PADI2: variants seen among roughly 807,000 people sequenced by gnomAD.
PADI2 encodes protein-arginine deiminase type-2.
In PADI2, 70 loss-of-function variants were observed where a neutral mutation model predicts 81.1. The ratio of observed to expected loss-of-function variants is 0.86; its 90% CI spans 0.71 to 1.05. PADI2 has a LOEUF of 1.05. Among genes scored for constraint, PADI2 ranks in the 50% least tolerant of loss-of-function variants. The pLI is 0.00. For missense variants in PADI2, 853 were observed against 889.9 expected (o/e 0.96, Z 0.53); for synonymous variants, 338 against 358.0 (o/e 0.94, Z 0.63).
chr1:17,087,512 ATTTT>A (rs1383492182), intron 6 of PADI2, among the ~76,000 whole-genome samples: 1 of 149,676 alleles, frequency 6.7e-6, no homozygotes, highest in African/African-American at 2.5e-5. Context: ...TTATTTATTT[ATTTT>A]TTGAGACAGA....
chr1:17,087,516 T>TTTATTTA (rs1930517175), intron 6 of PADI2, among the ~76,000 whole-genome samples: 2 of 38,124 alleles, frequency 5.2e-5, no homozygotes, highest in South Asian at 1.3e-3. Flanking sequence ...TTATTTATTT[T>TTTATTTA]TTGAGACAGA....
intron 1 of PADI2, among the ~76,000 whole-genome samples, chr1:17,106,315 T>C (rs1315109873): frequency 6.6e-6 from 1 of 152,230 alleles, no homozygotes; most frequent in Non-Finnish European, 1.5e-5. Context: ...GGCTGCTGTG[T>C]ACTGAATGTT....
intron 11 of PADI2, among the ~76,000 whole-genome samples, chr1:17,076,858 T>A (rs1313786259): frequency 6.6e-6 from 1 of 151,970 alleles, no homozygotes; most frequent in African/African-American, 2.4e-5. Context: ...ATTACAGGTG[T>A]GAGCCACCGC....
At chr1:17,118,567 G>A (rs1931834320) in intron 1 of PADI2, among the ~76,000 whole-genome samples, 1 of 152,128 alleles carries the variant, frequency 6.6e-6, no homozygotes, top group Non-Finnish European at 1.5e-5. Flanking sequence ...GAGAGAAGGG[G>A]AGGGAGCAGA....
intron 2 of PADI2, among the ~76,000 whole-genome samples, chr1:17,103,377 G>A (rs1452282248): frequency 1.3e-5 from 2 of 152,198 alleles, no homozygotes; most frequent in African/African-American, 4.8e-5. Context: ...GCCCACTGAG[G>A]GGACAGGGCT....
At chr1:17,079,609 G>C (rs2078329189) in intron 10 of PADI2, among the ~76,000 whole-genome samples, 194 bp from the exon 11 acceptor site, 1 of 152,052 alleles carries the variant, frequency 6.6e-6, no homozygotes, top group African/African-American at 2.4e-5. Flanking sequence ...GAGCATCTCG[G>C]TGTAGTGTGA....
Position 17,079,434 on chromosome 1 carries a change from C to A in PADI2, c.1159-19G>T. ...CTGGGCCCTAGGCAGAGGGCACACA[C>A]CTGCGTTAGTCTTCTGCAGCCAGGG... is the stretch of plus-strand genomic sequence containing the variant. On this transcript the variant is annotated intron_variant, in intron 10 of 15. Coordinates refer to ENST00000375486, the MANE Select transcript of PADI2 (RefSeq NM_007365.3). The A allele has an allele frequency of 6.2e-7, 1 of 1,607,062 alleles. No homozygotes were observed. The highest frequency in any genetic ancestry group is 8.5e-7 in the Non-Finnish European group (1 of 1,175,002).
In PADI2 at chr1:17,119,259, C is replaced by T. The variant is rs376843338; in HGVS notation, c.92+21G>A. 14 of 1,478,568 alleles carry T rather than the reference C, an allele frequency of 9.5e-6. No homozygotes were observed. Among genetic ancestry groups the T allele is most frequent in the African/African-American group, 1.4e-5 (1 of 69,038 alleles). The allele number at this position is 1,478,568 out of a possible 1,614,324, so 91.6% of individuals were successfully genotyped here. A position where few individuals can be genotyped will look rare whatever the true frequency, so the allele number is the denominator to read the frequency against. ...TCTGGGCTCGAGATCTCGGCCCGGG[C>T]ATCACGGTGGGCCGGCTCACCTGTA... On this transcript the variant is annotated intron_variant, in intron 1 of 15. Transcript: ENST00000375486. This position sits in a 1 kb window ranked among gnomAD's most constrained non-coding sequence, Gnocchi z 4.8.
chr1:17,096,168 G>A (rs1011641999), intron 3 of PADI2, among the ~76,000 whole-genome samples, 198 bp from the exon 4 acceptor site: 18 of 152,228 alleles, frequency 1.2e-4, no homozygotes, highest in Non-Finnish European at 2.2e-4. Flanking sequence ...CAGACACCGT[G>A]TGGACCTCGT....
At chr1:17,077,510 G>T (rs553870339) in intron 11 of PADI2, among the ~76,000 whole-genome samples, 1 of 152,252 alleles carries the variant, frequency 6.6e-6, no homozygotes, top group South Asian at 2.1e-4. Context: ...TTCTATCGTT[G>T]CAAGTCCCTC....
intron 1 of PADI2, among the ~76,000 whole-genome samples, chr1:17,116,474 G>T (rs879356091): frequency 2.0e-5 from 3 of 152,202 alleles, no homozygotes; most frequent in Non-Finnish European, 4.4e-5. Flanking sequence ...TCTTGAGCCA[G>T]GACCTGTGTC....
At chr1:17,104,431 C>CTTTTTTTTTTTTTTTTTTTTTTTTTTT (rs1217484961) in intron 2 of PADI2, among the ~76,000 whole-genome samples, 1 of 79,790 alleles carries the variant, frequency 1.3e-5, no homozygotes, top group South Asian at 5.4e-4. Context: ...TTTGCCTTTT[C>CTTTTTTTTTTTTTTTTTTTTTTTTTTT]TTTTTTTTTT....
intron 1 of PADI2, 98 bp from the exon 2 acceptor site, chr1:17,105,159 A>G: frequency 3.8e-6 from 3 of 796,372 alleles, no homozygotes; most frequent in Non-Finnish European, 5.6e-6. Context: ...TTGGGAGGTC[A>G]AAGCCCGAGA....
Position 17,093,580 on chromosome 1 carries a change from G to A in PADI2, c.516C>T (p.Val172=). 5.6e-6 allele frequency: 9 copies of A among 1,608,058 alleles called. No homozygotes were observed. Among genetic ancestry groups the A allele is most frequent in the African/African-American group, 1.3e-5 (1 of 74,942 alleles). ...GCCTGCTGGCACCTTCCTTGCTGTAGACCTTCTCATCACGGCAGTCCTCCT... is the reference window on the plus strand; with the variant it reads ...GCCTGCTGGCACCTTCCTTGCTGTAAACCTTCTCATCACGGCAGTCCTCCT... ...LPKEDCRDEK[V]YSKEDLKDMS... is the part of the protein sequence containing the mutation. The change falls in exon 5 of 16, where the codon GTC becomes GTT. Residue 172 remains valine, a synonymous_variant. Coordinates refer to ENST00000375486, the MANE Select transcript of PADI2 (RefSeq NM_007365.3).
intron 11 of PADI2, among the ~76,000 whole-genome samples, chr1:17,076,173 C>T (rs1245673361): frequency 6.6e-6 from 1 of 152,166 alleles, no homozygotes; most frequent in Non-Finnish European, 1.5e-5. Flanking sequence ...AATCTGCCCT[C>T]ATCCATGTGC....
intron 3 of PADI2, among the ~76,000 whole-genome samples, chr1:17,098,297 T>C (rs1181244041): frequency 1.3e-5 from 2 of 152,220 alleles, no homozygotes; most frequent in Non-Finnish European, 2.9e-5. Context: ...TTGGTAGCCC[T>C]GCGGCCTTCG....
At chr1:17,109,517 G>A (rs1931501840) in intron 1 of PADI2, among the ~76,000 whole-genome samples, 1 of 150,388 alleles carries the variant, frequency 6.6e-6, no homozygotes, top group African/African-American at 2.5e-5. Context: ...TAAACTGAGA[G>A]TCGTGCTCTG....
At chr1:17,075,458 T>C (rs2078295215) in intron 12 of PADI2, 2 of 475,792 alleles carry the variant, frequency 4.2e-6, no homozygotes, top group Admixed American at 4.2e-5. Flanking sequence ...AATCTCTCGT[T>C]AATAATTTTT....
intron 3 of PADI2, among the ~76,000 whole-genome samples, chr1:17,098,953 T>C (rs962967144): frequency 6.6e-6 from 1 of 152,250 alleles, no homozygotes; most frequent in African/African-American, 2.4e-5. Context: ...AGAGGAGCTC[T>C]GCTTCAGGGC....
Sources: allele counts gnomAD v4.1 joint callset (sites outside exome capture counted in the v4.1 genomes callset), GRCh38; gene constraint gnomAD v4.1.1; non-coding constraint Gnocchi (gnomAD v3.1); transcripts MANE v1.5; gene names NCBI Gene and HGNC (gene_info 2026-07-23, HGNC 2026-07-21).